Variants in RSPH14 observed in about 807,000 individuals in gnomAD.
RSPH14 encodes the protein radial spoke head 14 homolog.
Under a neutral mutation model 26.7 loss-of-function variants are expected in RSPH14, and 20 were observed. That is an observed-to-expected ratio of 0.75 (90% CI 0.53 to 1.09). The LOEUF is 1.09. Ranked by LOEUF, RSPH14 falls within the 50% of genes least tolerant of loss-of-function variation. The probability of loss-of-function intolerance (pLI) is 0.00; values close to 1 mark genes in which losing one functional copy is unlikely to be tolerated. For synonymous variants in RSPH14, 177 were observed against 189.3 expected (o/e 0.93, Z 0.53); for missense variants, 449 against 457.2 (o/e 0.98, Z 0.16).
chr22:23,173,006 A>C, the RSPH14 span, among the ~76,000 whole-genome samples: 1 of 88 alleles, frequency 0.011, no homozygotes, highest in Non-Finnish European at 0.025. Flanking sequence ...CCTTTTCAGA[A>C]TAGTGTCTTT....
intron 1 of RSPH14, 116 bp from the exon 2 acceptor site, chr22:23,140,588 T>A: frequency 1.7e-6 from 2 of 1,173,578 alleles, no homozygotes; most frequent in Non-Finnish European, 2.3e-6. Context: ...ATTTTACAGA[T>A]GAGCAAACTG....
chr22:23,164,356 T>G, the RSPH14 span: 4 of 152,288 alleles, frequency 2.6e-5, no homozygotes, highest in Non-Finnish European at 5.9e-5. Flanking sequence ...CCTCCTGCAA[T>G]GTGCCAGCTG....
chr22:23,166,155 A>C, the RSPH14 span, among the ~76,000 whole-genome samples: 1 of 143,248 alleles, frequency 7.0e-6, no homozygotes, highest in Admixed American at 6.8e-5. Context: ...TTTAAAAAAA[A>C]AAAAAAAAAA....
the RSPH14 span, among the ~76,000 whole-genome samples, chr22:23,176,002 AC>A: frequency 6.6e-6 from 1 of 151,852 alleles, no homozygotes; most frequent in Non-Finnish European, 1.5e-5. Flanking sequence ...TCCCTTCTCC[AC>A]CCAGCCTCAC....
chr22:23,157,425 G>T, the RSPH14 span, among the ~76,000 whole-genome samples: 874 of 151,926 alleles, frequency 5.8e-3, 9 homozygotes, highest in Middle Eastern at 0.024. Flanking sequence ...TAATTTTTTT[G>T]TGTGTGTGTA....
intron 4 of RSPH14, among the ~76,000 whole-genome samples, chr22:23,064,442 T>C (rs1338111638): frequency 6.6e-6 from 1 of 152,092 alleles, no homozygotes; most frequent in African/African-American, 2.4e-5. Flanking sequence ...GGAGAGGCAA[T>C]AAGCCACCCC....
At chr22:23,109,093 G>A (rs1419323030) in intron 4 of RSPH14, among the ~76,000 whole-genome samples, 2 of 152,182 alleles carry the variant, frequency 1.3e-5, no homozygotes, top group African/African-American at 2.4e-5. Context: ...GTGCCTGGGT[G>A]GGAGATAGCT....
At chr22:23,153,229 G>C in the RSPH14 span, 1 of 957,756 alleles carries the variant, frequency 1.0e-6, no homozygotes, top group African/African-American at 1.6e-5. Context: ...ATGTCAAGGA[G>C]GACTAGTCTA....
chr22:23,109,962 C>T (rs1038401111), intron 4 of RSPH14, among the ~76,000 whole-genome samples: 4 of 152,210 alleles, frequency 2.6e-5, no homozygotes, highest in African/African-American at 9.6e-5. Context: ...CAGGAGCTCA[C>T]TGAGTCATTA....
At chr22:23,114,523 G>T (rs982168812) in intron 4 of RSPH14, among the ~76,000 whole-genome samples, 3 of 151,640 alleles carry the variant, frequency 2.0e-5, no homozygotes, top group Admixed American at 2.0e-4. Flanking sequence ...ATTACCCCTC[G>T]CCCCCTGCAT....
chr22:23,097,888 G>A (rs2146322543), intron 4 of RSPH14, among the ~76,000 whole-genome samples: 1 of 152,356 alleles, frequency 6.6e-6, no homozygotes, highest in East Asian at 1.9e-4. Context: ...CACCACAGTG[G>A]CAGGCGTGGC....
At chr22:23,143,698 C>T (rs564165436), upstream of RSPH14, among the ~76,000 whole-genome samples, 7 of 152,316 alleles carry the variant, frequency 4.6e-5, no homozygotes, top group Non-Finnish European at 8.8e-5. Context: ...GATCCCCATG[C>T]GCATGTAAAA....
chr22:23,135,317 C>CAAAAAAAAAA (rs55649510), intron 3 of RSPH14, among the ~76,000 whole-genome samples: 44 of 85,800 alleles, frequency 5.1e-4, no homozygotes, highest in African/African-American at 1.6e-3. Context: ...ACTAAAAATA[C>CAAAAAAAAAA]AAAAAAAAAA....
At chr22:23,173,961 C>T in the RSPH14 span, among the ~76,000 whole-genome samples, 7 of 152,210 alleles carry the variant, frequency 4.6e-5, no homozygotes, top group South Asian at 2.1e-4. Context: ...CCACCCTCCT[C>T]GGCCTCCCAA....
intron 6 of RSPH14, among the ~76,000 whole-genome samples, chr22:23,060,211 C>T (rs1026004562): frequency 1.3e-5 from 2 of 152,176 alleles, no homozygotes; most frequent in Non-Finnish European, 2.9e-5. Flanking sequence ...GTGGCTCACG[C>T]CTGTAATCCC....
intron 5 of RSPH14, among the ~76,000 whole-genome samples, chr22:23,063,519 G>A (rs1222897666): frequency 2.6e-5 from 4 of 152,186 alleles, no homozygotes; most frequent in Non-Finnish European, 5.9e-5. Flanking sequence ...ACCTGTGAAG[G>A]CAGACATCAC....
At chr22:23,178,516 A>T in the RSPH14 span, among the ~76,000 whole-genome samples, 8 of 152,170 alleles carry the variant, frequency 5.3e-5, no homozygotes, top group African/African-American at 1.9e-4. Flanking sequence ...TTTGCATCTC[A>T]GTTTCCTCAC....
the RSPH14 span, among the ~76,000 whole-genome samples, chr22:23,174,706 C>T: frequency 1.3e-5 from 2 of 151,014 alleles, no homozygotes; most frequent in Admixed American, 1.3e-4. Flanking sequence ...TGGTGGCTCA[C>T]GCCTGTAATC....
chr22:23,134,693 C>T (rs193038254), intron 3 of RSPH14, among the ~76,000 whole-genome samples: 38 of 150,122 alleles, frequency 2.5e-4, no homozygotes, highest in Non-Finnish European at 4.7e-4. Flanking sequence ...GGCAAAACCC[C>T]GTCTCTACTA....
Sources: allele counts gnomAD v4.1 joint callset (sites outside exome capture counted in the v4.1 genomes callset), GRCh38; gene constraint gnomAD v4.1.1; transcripts MANE v1.5; gene names NCBI Gene and HGNC (gene_info 2026-07-23, HGNC 2026-07-21).